NAP1L4: variants seen among roughly 807,000 people sequenced by gnomAD.
NAP1L4 encodes nucleosome assembly protein 1 like 4, also known as nucleosome assembly protein 1-like 4.
A neutral mutation model predicts 58.2 loss-of-function variants in NAP1L4; 15 were observed. The observed-to-expected ratio is 0.26, with a 90% CI of 0.17 to 0.40. The LOEUF is 0.40. NAP1L4 is among the 10% of genes least tolerant of loss of function. The probability of loss-of-function intolerance (pLI) is 1.00; values close to 1 mark genes in which losing one functional copy is unlikely to be tolerated. For synonymous variants in NAP1L4, 171 were observed against 155.6 expected (o/e 1.10, Z -0.74); for missense variants, 384 against 451.1 (o/e 0.85, Z 1.35).
intron 4 of NAP1L4, 26 bp downstream of exon 4, chr11:2,975,998 T>G: frequency 1.9e-6 from 3 of 1,570,756 alleles, no homozygotes; most frequent in Non-Finnish European, 1.7e-6. Flanking sequence ...CCAAATTGCA[T>G]GAGACCCTAT....
In NAP1L4 at chr11:2,949,274, G is replaced by GA. The variant is rs1185645318; in HGVS notation, c.1123-11dup. 4 of 1,588,694 alleles carry GA rather than the reference G, an allele frequency of 2.5e-6. No individual in the cohort carries two copies. Among genetic ancestry groups the GA allele is most frequent in the Admixed American group, 1.7e-5 (1 of 59,872 alleles). ...CAGACAAAAATTACACCTAAATGGGGAAAAAAATTGAAAGGAACTGTCAGC... is the reference window on the plus strand; with the variant it reads ...CAGACAAAAATTACACCTAAATGGGGAAAAAAAATTGAAAGGAACTGTCAGC... On this transcript the variant is annotated splice_polypyrimidine_tract_variant and intron_variant, in intron 14 of 15. Coordinates refer to ENST00000380542, the MANE Select transcript of NAP1L4 (RefSeq NM_005969.4). This position sits in a 1 kb window ranked among gnomAD's most constrained non-coding sequence, Gnocchi z 4.0.
At position 2,951,216 on chromosome 11, in the gene NAP1L4, T is replaced by C. The variant is rs770793825; in HGVS notation, c.1122+43A>G. ...GGGAACATTTTTAAAAGTCTAAGAG[T>C]GCAGCATAATAAGTAGGTCTGGGTG... is the stretch of plus-strand genomic sequence containing the variant. On this transcript the variant is annotated intron_variant, in intron 14 of 15. Transcript: ENST00000380542. This position sits in a 1 kb window ranked among gnomAD's most constrained non-coding sequence, Gnocchi z 4.0. The C allele has an allele frequency of 6.7e-7, 1 of 1,503,392 alleles. No individual in the cohort carries two copies. Among genetic ancestry groups the C allele is most frequent in the Admixed American group, 1.7e-5 (1 of 58,776 alleles). The allele number at this position is 1,503,392 out of a possible 1,614,324, so 93.1% of individuals were successfully genotyped here.
intron 10 of NAP1L4, among the ~76,000 whole-genome samples, chr11:2,956,069 T>C (rs929922855): frequency 1.3e-5 from 2 of 152,210 alleles, no homozygotes; most frequent in Admixed American, 6.5e-5. Context: ...ACAGGAGGAA[T>C]GGCAAACAGC....
intron 10 of NAP1L4, among the ~76,000 whole-genome samples, chr11:2,956,888 G>A (rs1001245507): frequency 3.9e-5 from 6 of 152,074 alleles, no homozygotes; most frequent in South Asian, 4.1e-4. Flanking sequence ...TACCTATTCC[G>A]CAGCCATCCT....
At chr11:2,989,570 G>A (rs746633820) in intron 1 of NAP1L4, among the ~76,000 whole-genome samples, 4 of 152,154 alleles carry the variant, frequency 2.6e-5, no homozygotes, top group Admixed American at 6.5e-5. Flanking sequence ...AGGGAAGGAA[G>A]AAAAGCACTA....
rs1226489652 is a variant in NAP1L4 at position 2,964,694 on chromosome 11, G to A, written c.592C>T (p.Pro198Ser). 1.9e-6 allele frequency: 3 copies of A among 1,613,542 alleles called. No homozygotes were observed. The highest frequency in any genetic ancestry group is 2.5e-6 in the Non-Finnish European group (3 of 1,179,778). ...LQDIKVKFSD[P>S]GQPMSFVLEF... The stretch of plus-strand genomic sequence containing the variant: ...TCAGTACTCACCATAGGCTGTCCAG[G>A]GTCAGAAAATTTCACTTTAATATCC... Residue 198 changes from proline (P) to serine (S), a missense_variant, in exon 8 of 16, where the codon CCT (proline) becomes TCT (serine). Coordinates refer to ENST00000380542, the MANE Select transcript of NAP1L4 (RefSeq NM_005969.4).
At position 2,959,355 on chromosome 11, in the gene NAP1L4, T is replaced by G. The variant is rs987756327; in HGVS notation, c.746+415A>C. Among the ~76,000 whole-genome samples, 20 of 152,250 alleles carry G rather than the reference T, an allele frequency of 1.3e-4. No homozygotes were observed. The highest frequency in any genetic ancestry group is 4.8e-4 in the African/African-American group (20 of 41,468). Reference sequence around the variant, plus strand: ...TCAGTGAGTCAAACAACAGCTATGCTGCCCCCACCTATTTCCAAAGCAATC... The same window carrying G: ...TCAGTGAGTCAAACAACAGCTATGCGGCCCCCACCTATTTCCAAAGCAATC... On this transcript the variant is annotated intron_variant, in intron 9 of 15. Coordinates refer to ENST00000380542, the MANE Select transcript of NAP1L4 (RefSeq NM_005969.4). This position sits in a 1 kb window ranked among gnomAD's most constrained non-coding sequence, Gnocchi z 4.9.
chr11:2,979,680 A>G (rs1848187751), intron 1 of NAP1L4, among the ~76,000 whole-genome samples: 1 of 152,048 alleles, frequency 6.6e-6, no homozygotes, highest in East Asian at 1.9e-4. Flanking sequence ...GCTGAGGCAG[A>G]AGAATCACTT....
intron 7 of NAP1L4, among the ~76,000 whole-genome samples, chr11:2,967,106 A>T (rs1014152189): frequency 6.6e-6 from 1 of 152,188 alleles, no homozygotes; most frequent in Non-Finnish European, 1.5e-5. Context: ...TTGGAATTTA[A>T]TATTTGACCA....
chr11:2,968,293 CTATT>C (rs1259812588), intron 7 of NAP1L4, among the ~76,000 whole-genome samples: 3 of 152,132 alleles, frequency 2.0e-5, no homozygotes, highest in African/African-American at 7.2e-5. Context: ...TTAGTTTTTG[CTATT>C]TAGTTTTCAA....
chr11:2,960,366 C>A (rs1158664946), intron 8 of NAP1L4, among the ~76,000 whole-genome samples: 1 of 152,148 alleles, frequency 6.6e-6, no homozygotes, highest in Non-Finnish European at 1.5e-5. Flanking sequence ...AAAGCAGTGA[C>A]CCACAGCTTT....
rs369937954 is a variant in NAP1L4 at position 2,958,190 on chromosome 11, A to G, written c.892+209T>C. On this transcript the variant is annotated intron_variant, in intron 10 of 15. Coordinates refer to ENST00000380542, the MANE Select transcript of NAP1L4 (RefSeq NM_005969.4). ...CTTCCCTTTCCTGCAGAAGATGACA[A>G]TCCTACTCTTACTGTCCTAGCTACC... The G allele has an allele frequency of 6.3e-5, 44 of 697,240 alleles. No homozygotes were observed. In the East Asian group the frequency reaches 7.9e-4, roughly 13 times the overall value. The allele number at this position is 697,240 out of a possible 1,614,324, so 43.2% of individuals were successfully genotyped here.
chr11:2,969,164 T>C (rs1323629076), intron 7 of NAP1L4, among the ~76,000 whole-genome samples: 1 of 152,000 alleles, frequency 6.6e-6, no homozygotes, highest in Non-Finnish European at 1.5e-5. Flanking sequence ...CTAACTTTTC[T>C]ATTTTTTGTA....
Position 2,959,675 on chromosome 11 carries a change from T to A in NAP1L4, c.746+95A>T. Reference sequence around the variant, plus strand: ...TTAGGCTTTTAAGCAGACTCAAGACTGTACTTTATTCCTTACTTCTATCTT... The same window carrying A: ...TTAGGCTTTTAAGCAGACTCAAGACAGTACTTTATTCCTTACTTCTATCTT... On this transcript the variant is annotated intron_variant, in intron 9 of 15. Coordinates refer to ENST00000380542, the MANE Select transcript of NAP1L4 (RefSeq NM_005969.4). The surrounding 1 kb of genome is among the most constrained non-coding windows in gnomAD (Gnocchi z 4.9). The A allele has an allele frequency of 6.9e-7, 1 of 1,442,348 alleles. No homozygotes were observed. The highest frequency in any genetic ancestry group is 9.5e-7 in the Non-Finnish European group (1 of 1,048,532). The allele number at this position is 1,442,348 out of a possible 1,614,324, so 89.3% of individuals were successfully genotyped here.
intron 7 of NAP1L4, among the ~76,000 whole-genome samples, chr11:2,967,608 TAAAAA>T (rs36005224): frequency 8.4e-6 from 1 of 118,372 alleles, no homozygotes. Flanking sequence ...GAGACTCCGT[TAAAAA>T]AAAAAAAAAA....
chr11:2,963,354 T>TA (rs2133944551), intron 8 of NAP1L4, among the ~76,000 whole-genome samples: 1 of 152,026 alleles, frequency 6.6e-6, no homozygotes, highest in East Asian at 1.9e-4. Flanking sequence ...GGCCCTGTGA[T>TA]AAAGTCTAAA....
At chr11:2,977,549 A>C (rs901361035) in intron 3 of NAP1L4, among the ~76,000 whole-genome samples, 1 of 152,164 alleles carries the variant, frequency 6.6e-6, no homozygotes, top group Non-Finnish European at 1.5e-5. Context: ...CTCTAGAACA[A>C]AACAAAACGC....
rs963936672 is a variant in NAP1L4 at position 2,976,068 on chromosome 11, C to T, written c.129G>A (p.Glu43=). Residue 43 remains glutamate, a synonymous_variant, in exon 4 of 16, where the codon GAG becomes GAA. Coordinates refer to ENST00000380542, the MANE Select transcript of NAP1L4 (RefSeq NM_005969.4). ...GGGTGTGAGGGACATTGTCAAGTCGCTCCTGTAAAGCTGCCAGAACTCGAG... is the reference window on the plus strand; with the variant it reads ...GGGTGTGAGGGACATTGTCAAGTCGTTCCTGTAAAGCTGCCAGAACTCGAG... The part of the protein sequence containing the change: ...QNPRVLAALQ[E]RLDNVPHTPS... The T allele has an allele frequency of 3.1e-6, 5 of 1,614,080 alleles. No homozygotes were observed. Among genetic ancestry groups the T allele is most frequent in the Non-Finnish European group, 4.2e-6 (5 of 1,180,008 alleles).
chr11:2,949,987 AAC>A lies in NAP1L4; in HGVS notation c.1123-725_1123-724del, dbSNP rs1363881053. ...GTCCATTCAGCGCCCACAAGGCGGA[AAC>A]ACAGCCCAATAAACACACGTGGCCC... On this transcript the variant is annotated intron_variant, in intron 14 of 15. Coordinates refer to ENST00000380542, the MANE Select transcript of NAP1L4 (RefSeq NM_005969.4). The surrounding 1 kb of genome is among the most constrained non-coding windows in gnomAD (Gnocchi z 4.0). Among the ~76,000 whole-genome samples the A allele has an allele frequency of 6.6e-6, 1 of 152,264 alleles. No individual in the cohort carries two copies. Among genetic ancestry groups the A allele is most frequent in the Admixed American group, 6.5e-5 (1 of 15,290 alleles).
Sources: allele counts gnomAD v4.1 joint callset (sites outside exome capture counted in the v4.1 genomes callset), GRCh38; gene constraint gnomAD v4.1.1; non-coding constraint Gnocchi (gnomAD v3.1); transcripts MANE v1.5; gene names NCBI Gene and HGNC (gene_info 2026-07-23, HGNC 2026-07-21).